Variants in CDH4 observed in about 807,000 individuals in gnomAD.
The protein encoded by CDH4 is cadherin-4.
In CDH4, 33 loss-of-function variants were observed where a neutral mutation model predicts 86.0. The ratio of observed to expected loss-of-function variants is 0.38; its 90% CI spans 0.29 to 0.51. The LOEUF (loss-of-function observed/expected upper bound fraction) is 0.51. Among genes scored for constraint, CDH4 ranks in the 20% least tolerant of loss-of-function variants. The pLI is 0.86. For synonymous variants in CDH4, 555 were observed against 549.4 expected, an observed-to-expected ratio of 1.01 and a Z score of -0.14; for missense variants, 1,114 against 1,307.4, an observed-to-expected ratio of 0.85 and a Z score of 2.28.
chr20:61,381,464 G>GGA (rs2084900505), intron 2 of CDH4, among the ~76,000 whole-genome samples: 1 of 152,208 alleles, frequency 6.6e-6, no homozygotes, highest in Non-Finnish European at 1.5e-5. Context: ...CACTTAGCAA[G>GGA]GAGATTTTTT....
chr20:61,442,661 C>T (rs2085320633), intron 2 of CDH4, among the ~76,000 whole-genome samples: 1 of 152,234 alleles, frequency 6.6e-6, no homozygotes. Context: ...CCCAGTGGAG[C>T]CTCATCCACG....
At chr20:61,307,824 T>C (rs1157656589) in intron 2 of CDH4, among the ~76,000 whole-genome samples, 2 of 152,202 alleles carry the variant, frequency 1.3e-5, no homozygotes, top group Non-Finnish European at 2.9e-5. Context: ...GTGTAAGGGA[T>C]GTGGAGCCAG....
chr20:61,260,980 T>A (rs73311190), intron 2 of CDH4, among the ~76,000 whole-genome samples: 23,091 of 152,098 alleles, frequency 0.15, 1,902 homozygotes, highest in East Asian at 0.27. Flanking sequence ...TGAGAGAGGG[T>A]CCTGGTAGCC....
chr20:61,775,436 C>A (rs897565511), intron 4 of CDH4, among the ~76,000 whole-genome samples: 1 of 152,132 alleles, frequency 6.6e-6, no homozygotes, highest in African/African-American at 2.4e-5. Flanking sequence ...GGTCAGCAAA[C>A]CTTTTCTGTG....
intron 2 of CDH4, among the ~76,000 whole-genome samples, chr20:61,686,089 C>T (rs1045462264): frequency 2.6e-5 from 4 of 152,150 alleles, no homozygotes; most frequent in Admixed American, 6.5e-5. Context: ...GAAAATAGAC[C>T]AGCGGCATCT....
chr20:61,868,968 C>G (rs778321549), intron 6 of CDH4, among the ~76,000 whole-genome samples: 3 of 152,072 alleles, frequency 2.0e-5, no homozygotes, highest in Non-Finnish European at 4.4e-5. Flanking sequence ...CTAGACGTGG[C>G]AAACGTGGCA....
intron 2 of CDH4, among the ~76,000 whole-genome samples, chr20:61,441,112 G>C (rs1261414400): frequency 1.3e-5 from 2 of 152,162 alleles, no homozygotes; most frequent in Non-Finnish European, 2.9e-5. Flanking sequence ...AGTTCCAAGC[G>C]TGTGCTATGT....
chr20:61,269,595 TATTA>T lies in CDH4; in HGVS notation c.169+14659_169+14662del, dbSNP rs1479294736. 1.3e-5 allele frequency among the ~76,000 whole-genome samples: 2 copies of T among 152,062 alleles called. No homozygotes were observed. The highest frequency in any genetic ancestry group is 4.8e-5 in the African/African-American group (2 of 41,414). The stretch of plus-strand genomic sequence containing the variant: ...GGCTTGCTCTTATTTATTAATTATT[TATTA>T]GTTATAATTATTTATTTAATTAATT... On this transcript the variant is annotated intron_variant, in intron 2 of 15. Coordinates refer to ENST00000614565, the MANE Select transcript of CDH4 (RefSeq NM_001794.5). This position sits in a 1 kb window ranked among gnomAD's most constrained non-coding sequence, Gnocchi z 5.3.
chr20:61,912,221 A>G (rs1413804710), intron 9 of CDH4, among the ~76,000 whole-genome samples: 1 of 152,188 alleles, frequency 6.6e-6, no homozygotes, highest in Non-Finnish European at 1.5e-5. Flanking sequence ...GTTTAGTCAC[A>G]TGGCCATTCT....
chr20:61,633,187 C>A (rs1238175596), intron 2 of CDH4, among the ~76,000 whole-genome samples: 1 of 150,396 alleles, frequency 6.6e-6, no homozygotes, highest in Non-Finnish European at 1.5e-5. Flanking sequence ...CCCATCCATC[C>A]TCCATCCATT....
At chr20:61,495,114 A>G (rs1312110836) in intron 2 of CDH4, among the ~76,000 whole-genome samples, 1 of 152,244 alleles carries the variant, frequency 6.6e-6, no homozygotes, top group East Asian at 1.9e-4. Context: ...ATAAATTAAC[A>G]TGATCCTGTA....
intron 2 of CDH4, among the ~76,000 whole-genome samples, chr20:61,524,765 G>C (rs141736195): frequency 1.3e-5 from 2 of 152,276 alleles, no homozygotes; most frequent in East Asian, 3.9e-4. Context: ...TTACAGGTGT[G>C]AGCTACCACA....
At chr20:61,542,040 T>C (rs1282207444) in intron 2 of CDH4, among the ~76,000 whole-genome samples, 1 of 152,176 alleles carries the variant, frequency 6.6e-6, no homozygotes, top group Non-Finnish European at 1.5e-5. Context: ...CTCTGGGCCC[T>C]CTTTCTCATG....
chr20:61,906,506 A>G (rs2054789898), intron 8 of CDH4, among the ~76,000 whole-genome samples: 1 of 152,200 alleles, frequency 6.6e-6, no homozygotes, highest in Non-Finnish European at 1.5e-5. Context: ...GAGGGCTGCC[A>G]AGTGGCTCCC....
chr20:61,306,667 A>G (rs576561561), intron 2 of CDH4, among the ~76,000 whole-genome samples: 55 of 152,226 alleles, frequency 3.6e-4, no homozygotes, highest in Non-Finnish European at 3.5e-4. Context: ...TCATTGTCAT[A>G]TACACAAAAG....
chr20:61,680,824 T>C (rs75759544), intron 2 of CDH4, among the ~76,000 whole-genome samples: 16 of 120,672 alleles, frequency 1.3e-4, no homozygotes, highest in East Asian at 6.4e-4. Flanking sequence ...TGTCCTGAGT[T>C]CCCCCCTGTG....
intron 2 of CDH4, among the ~76,000 whole-genome samples, chr20:61,543,011 A>G (rs2086052134): frequency 6.6e-6 from 1 of 152,256 alleles, no homozygotes; most frequent in South Asian, 2.1e-4. Context: ...AAGGACTTGG[A>G]GTCTGATGTT....
intron 2 of CDH4, among the ~76,000 whole-genome samples, chr20:61,535,749 G>T (rs562128242): frequency 6.6e-6 from 1 of 152,164 alleles, no homozygotes; most frequent in Non-Finnish European, 1.5e-5. Context: ...CTTCAGTGCC[G>T]GTCCTTTGGG....
intron 2 of CDH4, among the ~76,000 whole-genome samples, chr20:61,401,638 G>C (rs1170988765): frequency 1.3e-5 from 2 of 152,220 alleles, no homozygotes; most frequent in East Asian, 1.9e-4. Context: ...GGTGGGCACT[G>C]TGACATATCA....
Sources: allele counts gnomAD v4.1 joint callset (sites outside exome capture counted in the v4.1 genomes callset), GRCh38; gene constraint gnomAD v4.1.1; non-coding constraint Gnocchi (gnomAD v3.1); transcripts MANE v1.5; gene names NCBI Gene and HGNC (gene_info 2026-07-23, HGNC 2026-07-21).